The following FAF1 variants were observed in gnomAD, a reference collection of about 807,000 sequenced individuals.
The protein encoded by FAF1 is Fas associated factor 1, also known as FAS-associated factor 1.
FAF1 carries 25 observed loss-of-function variants against 92.5 expected under a neutral mutation model. That is an observed-to-expected ratio of 0.27 (90% CI 0.20 to 0.38). The LOEUF (loss-of-function observed/expected upper bound fraction) is 0.38. Among genes scored for constraint, FAF1 ranks in the 10% least tolerant of loss-of-function variants. The probability of loss-of-function intolerance (pLI) is 1.00; values close to 1 mark genes in which losing one functional copy is unlikely to be tolerated. For missense variants in FAF1, 636 were observed against 793.3 expected, an observed-to-expected ratio of 0.80 and a Z score of 2.38; for synonymous variants, 234 against 273.2, an observed-to-expected ratio of 0.86 and a Z score of 1.42.
chr1:50,945,220 A>G (rs965709859), intron 1 of FAF1, among the ~76,000 whole-genome samples: 2 of 152,218 alleles, frequency 1.3e-5, no homozygotes, highest in Admixed American at 1.3e-4. Flanking sequence ...AGCCAAAAGT[A>G]TAACACAGAT....
chr1:50,579,525 T>C (rs1316274344), intron 12 of FAF1, among the ~76,000 whole-genome samples: 1 of 152,162 alleles, frequency 6.6e-6, no homozygotes, highest in Non-Finnish European at 1.5e-5. Context: ...ATTGTTTAAA[T>C]ATAACAACAT....
rs143593425 is a variant in FAF1, at chr1:50,523,358, C to T, written c.1494+12011G>A. ...GTCAACAAACTGTTTTCCATAGCAG[C>T]TGCCATTTTACATCCCAATCAGCAA... On this transcript the variant is annotated intron_variant, in intron 15 of 18. Coordinates refer to ENST00000396153, the MANE Select transcript of FAF1 (RefSeq NM_007051.3). 1.5e-3 allele frequency among the ~76,000 whole-genome samples: 234 copies of T among 152,268 alleles called. 1 individual carries two copies. The Middle Eastern group carries it at 0.031, about 20-fold the overall frequency.
intron 6 of FAF1, among the ~76,000 whole-genome samples, chr1:50,724,314 C>CAT: frequency 6.7e-6 from 1 of 148,328 alleles, no homozygotes; most frequent in African/African-American, 2.6e-5. Context: ...CACACACACA[C>CAT]ACACACACAC....
chr1:50,896,092 G>A (rs1329265043), intron 1 of FAF1, among the ~76,000 whole-genome samples: 1 of 152,140 alleles, frequency 6.6e-6, no homozygotes, highest in African/African-American at 2.4e-5. Flanking sequence ...AATTGGAAAG[G>A]AAGAAATCAA....
chr1:50,658,690 C>T (rs1655238790), intron 7 of FAF1, among the ~76,000 whole-genome samples: 1 of 152,168 alleles, frequency 6.6e-6, no homozygotes, highest in African/African-American at 2.4e-5. Context: ...TGTTAAGCAA[C>T]TTGTCATAGA....
intron 13 of FAF1, among the ~76,000 whole-genome samples, chr1:50,554,390 T>TATATATATATATAGAG: frequency 7.5e-5 from 7 of 93,700 alleles, no homozygotes; most frequent in African/African-American, 2.4e-4. Context: ...TATATATATA[T>TATATATATATATAGAG]AGAGAGAGAG....
intron 8 of FAF1, among the ~76,000 whole-genome samples, chr1:50,630,861 C>T (rs1211644507): frequency 2.4e-5 from 3 of 126,000 alleles, no homozygotes; most frequent in Non-Finnish European, 4.8e-5. Context: ...GAGAGTCTCA[C>T]TCTGTCGCCC....
chr1:50,672,340 C>T (rs1476500261), intron 7 of FAF1, among the ~76,000 whole-genome samples: 1 of 152,116 alleles, frequency 6.6e-6, no homozygotes, highest in Non-Finnish European at 1.5e-5. Context: ...CGCGCCCCAG[C>T]CAGTTTTGTT....
intron 18 of FAF1, among the ~76,000 whole-genome samples, chr1:50,460,825 T>G (rs1646418404): frequency 6.6e-6 from 1 of 152,026 alleles, no homozygotes; most frequent in African/African-American, 2.4e-5. Flanking sequence ...TGTGTGTGTG[T>G]GTGTGTGTGC....
chr1:50,484,392 C>G (rs1267212601), intron 17 of FAF1, among the ~76,000 whole-genome samples: 1 of 152,094 alleles, frequency 6.6e-6, no homozygotes, highest in Non-Finnish European at 1.5e-5. Context: ...TTTAATGGTT[C>G]ATGAGAACAA....
intron 2 of FAF1, among the ~76,000 whole-genome samples, chr1:50,828,738 G>A (rs563815982): frequency 6.6e-6 from 1 of 152,260 alleles, no homozygotes; most frequent in African/African-American, 2.4e-5. Context: ...ACATCTTCAT[G>A]AGCTGAAGGT....
chr1:50,736,560 T>G (rs1177368582), intron 6 of FAF1, among the ~76,000 whole-genome samples: 4 of 152,036 alleles, frequency 2.6e-5, no homozygotes, highest in African/African-American at 7.2e-5. Context: ...GACCAGCCTG[T>G]CCAACATGGT....
intron 15 of FAF1, among the ~76,000 whole-genome samples, chr1:50,496,805 C>T (rs964330654): frequency 2.0e-5 from 3 of 151,776 alleles, no homozygotes; most frequent in African/African-American, 4.8e-5. Flanking sequence ...AGGATAATTG[C>T]TTGAACCTGG....
At chr1:50,739,035 T>C (rs988996299) in intron 5 of FAF1, 81 bp from the exon 6 acceptor site, 13 of 893,016 alleles carry the variant, frequency 1.5e-5, no homozygotes, top group African/African-American at 6.9e-5. Context: ...TCTTGAAAAA[T>C]TGTTAATTTT....
intron 15 of FAF1, among the ~76,000 whole-genome samples, chr1:50,505,899 G>A (rs1647052654): frequency 1.3e-5 from 2 of 152,170 alleles, no homozygotes; most frequent in African/African-American, 2.4e-5. Context: ...AATCTAGGGA[G>A]AGCTTCAGGA....
intron 15 of FAF1, among the ~76,000 whole-genome samples, chr1:50,521,074 C>T (rs1191299033): frequency 2.0e-5 from 3 of 152,080 alleles, no homozygotes; most frequent in African/African-American, 7.2e-5. Context: ...TTGTATATAT[C>T]ATGTATAATC....
intron 7 of FAF1, among the ~76,000 whole-genome samples, chr1:50,674,626 A>G (rs1335709403): frequency 6.6e-6 from 1 of 152,216 alleles, no homozygotes; most frequent in African/African-American, 2.4e-5. Context: ...GCATTTGATC[A>G]TATTTTATTT....
chr1:50,661,590 C>A (rs764147278), intron 7 of FAF1, among the ~76,000 whole-genome samples: 2 of 152,000 alleles, frequency 1.3e-5, no homozygotes, highest in Non-Finnish European at 2.9e-5. Flanking sequence ...GAGCTTAGAC[C>A]GAATTTTAAA....
chr1:50,675,942 A>G (rs1569737966), intron 7 of FAF1, among the ~76,000 whole-genome samples: 1 of 152,322 alleles, frequency 6.6e-6, no homozygotes, highest in South Asian at 2.1e-4. Context: ...TGCTCACATC[A>G]ATTCTATGGG....
Sources: allele counts gnomAD v4.1 joint callset (sites outside exome capture counted in the v4.1 genomes callset), GRCh38; gene constraint gnomAD v4.1.1; transcripts MANE v1.5; gene names NCBI Gene and HGNC (gene_info 2026-07-23, HGNC 2026-07-21).